Variants in KLHL2 observed in about 807,000 individuals in gnomAD.
The protein encoded by KLHL2 is kelch like family member 2.
A neutral mutation model predicts 75.8 loss-of-function variants in KLHL2; 15 were observed. That is an observed-to-expected ratio of 0.20 (90% CI 0.13 to 0.30). The LOEUF (loss-of-function observed/expected upper bound fraction) is 0.30, where lower values mean the gene tolerates loss of function less well. KLHL2 is among the 10% of genes least tolerant of loss of function. The pLI, the probability that KLHL2 is intolerant of heterozygous loss-of-function variation, is 1.00. For synonymous variants in KLHL2, 214 were observed against 251.9 expected (o/e 0.85, Z 1.42); for missense variants, 381 against 741.0 (o/e 0.51, Z 5.64).
chr4:165,263,416 A>T, intron 5 of KLHL2, 57 bp downstream of exon 5: 1 of 1,596,924 alleles, frequency 6.3e-7, no homozygotes, highest in Non-Finnish European at 8.6e-7. Flanking sequence ...TTTTGATATG[A>T]TTCCACAGTG....
At chr4:165,257,753 C>G (rs1741302650) in intron 4 of KLHL2, among the ~76,000 whole-genome samples, 1 of 151,986 alleles carries the variant, frequency 6.6e-6, no homozygotes, top group Non-Finnish European at 1.5e-5. Context: ...CAGGTTGATT[C>G]ATTTATGAGG....
At chr4:165,300,585 A>C (rs891897024) in intron 8 of KLHL2, among the ~76,000 whole-genome samples, 3 of 152,120 alleles carry the variant, frequency 2.0e-5, no homozygotes, top group Non-Finnish European at 2.9e-5. Context: ...TTCATATTTT[A>C]CCAATTCAAT....
At chr4:165,210,301 A>G (rs1221405198) in intron 1 of KLHL2, 3 of 1,000,532 alleles carry the variant, frequency 3.0e-6, no homozygotes, top group Non-Finnish European at 4.6e-6. Flanking sequence ...CATTGTTCTC[A>G]GATCCCACCT....
intron 4 of KLHL2, among the ~76,000 whole-genome samples, chr4:165,249,176 G>A (rs1209329073): frequency 6.6e-6 from 1 of 152,156 alleles, no homozygotes; most frequent in Non-Finnish European, 1.5e-5. Flanking sequence ...TCACAGTGGG[G>A]GTTAGACATC....
chr4:165,288,438 C>A (rs748950676), intron 5 of KLHL2, among the ~76,000 whole-genome samples: 5 of 152,098 alleles, frequency 3.3e-5, no homozygotes, highest in Non-Finnish European at 5.9e-5. Context: ...TGTTTTCTTG[C>A]ATGGAGAGGA....
At chr4:165,235,217 G>A (rs1466339049) in intron 3 of KLHL2, among the ~76,000 whole-genome samples, 2 of 152,140 alleles carry the variant, frequency 1.3e-5, no homozygotes, top group Non-Finnish European at 2.9e-5. Context: ...TATTTATTTG[G>A]TAAGATAGAG....
intron 5 of KLHL2, chr4:165,277,749 AC>A (rs1409071593): frequency 4.9e-3 from 324 of 65,630 alleles, no homozygotes; most frequent in African/African-American, 0.041. Context: ...GATGTTAAAA[AC>A]ACACACACAC....
chr4:165,264,721 C>CACAT (rs1742051135), intron 5 of KLHL2, among the ~76,000 whole-genome samples: 13 of 71,200 alleles, frequency 1.8e-4, no homozygotes, highest in South Asian at 1.3e-3. Flanking sequence ...TATATATATA[C>CACAT]ATATATATAT....
At position 165,317,943 on chromosome 4, in the gene KLHL2, G is replaced by C; in HGVS notation, c.1727G>C (p.Cys576Ser). ...TTDKWTVVSS[C>S]MSTGRSYAGV... Reference sequence around the variant, plus strand: ...GATAAATGGACAGTTGTGTCATCGTGTATGAGCACAGGGAGAAGTTATGCA... The same window carrying C: ...GATAAATGGACAGTTGTGTCATCGTCTATGAGCACAGGGAGAAGTTATGCA... Residue 576 changes from cysteine to serine, a missense_variant, in exon 14 of 15, where the codon TGT becomes TCT. Cys to Ser is a moderately radical substitution (Grantham distance 112). Around this residue, in one of 5 missense-constraint regions of KLHL2, gnomAD observed 168 missense variants for 370.4 expected, o/e 0.45. Coordinates refer to ENST00000226725, the MANE Select transcript of KLHL2 (RefSeq NM_007246.4). 1 of 1,613,946 alleles carries C rather than the reference G, an allele frequency of 6.2e-7. No individual in the cohort carries two copies. Among genetic ancestry groups the C allele is most frequent in the Non-Finnish European group, 8.5e-7 (1 of 1,179,918 alleles).
rs773615739 is a variant in KLHL2, at chr4:165,302,056, T to C, written c.921+2400T>C. ...TATACTTTTAGATTTCTCAGTTCTC[T>C]AGCTGTTATTTTGTGCTGGGTATGT... On this transcript the variant is annotated intron_variant, in intron 8 of 14. Transcript: ENST00000226725. Among the ~76,000 whole-genome samples the C allele has an allele frequency of 8.5e-5, 13 of 152,360 alleles. No individual in the cohort carries two copies. In the South Asian group the frequency reaches 1.4e-3, roughly 17 times the overall value.
intron 5 of KLHL2, among the ~76,000 whole-genome samples, chr4:165,266,749 A>C (rs1262844861): frequency 1.3e-5 from 2 of 152,226 alleles, no homozygotes; most frequent in Non-Finnish European, 2.9e-5. Context: ...GAAGTCAGGT[A>C]GCGTGATGCC....
chr4:165,246,241 C>T (rs796705302), intron 4 of KLHL2, among the ~76,000 whole-genome samples: 52 of 151,944 alleles, frequency 3.4e-4, no homozygotes, highest in African/African-American at 1.2e-3. Context: ...AAGAAAAGGA[C>T]GATTATTATT....
At chr4:165,209,342 A>G (rs981901634) in intron 1 of KLHL2, 5 of 152,206 alleles carry the variant, frequency 3.3e-5, no homozygotes, top group Non-Finnish European at 7.3e-5. Context: ...GGTATATAAT[A>G]TGTAACATGT....
chr4:165,259,879 G>A (rs1381376663), intron 4 of KLHL2, among the ~76,000 whole-genome samples: 6 of 152,076 alleles, frequency 3.9e-5, no homozygotes, highest in African/African-American at 1.4e-4. Flanking sequence ...AACCCCTCGA[G>A]GGTGTGGTTT....
At chr4:165,254,653 A>T (rs1045267318) in intron 4 of KLHL2, among the ~76,000 whole-genome samples, 2 of 152,204 alleles carry the variant, frequency 1.3e-5, no homozygotes, top group African/African-American at 2.4e-5. Flanking sequence ...TGTTGTTTGA[A>T]TTGGGAGGTG....
At chr4:165,287,968 C>CT (rs757020419) in intron 5 of KLHL2, among the ~76,000 whole-genome samples, 66 of 152,004 alleles carry the variant, frequency 4.3e-4, no homozygotes, top group Non-Finnish European at 7.2e-4. Flanking sequence ...TACAGGTTGC[C>CT]TTTTTTCTTT....
At chr4:165,209,997 G>A (rs1254121505) in intron 1 of KLHL2, 3 of 1,499,454 alleles carry the variant, frequency 2.0e-6, no homozygotes, top group South Asian at 1.3e-5. Context: ...AGTGTCTTTA[G>A]GAAGGAACTT....
At chr4:165,221,953 G>T (rs1578980906) in intron 2 of KLHL2, among the ~76,000 whole-genome samples, 1 of 152,284 alleles carries the variant, frequency 6.6e-6, no homozygotes, top group Non-Finnish European at 1.5e-5. Flanking sequence ...TTAAGACTGG[G>T]ATCTTTAATG....
chr4:165,224,687 T>C (rs1389301533), intron 2 of KLHL2, among the ~76,000 whole-genome samples: 6 of 152,258 alleles, frequency 3.9e-5, no homozygotes, highest in Non-Finnish European at 8.8e-5. Context: ...ATTCATACTT[T>C]GTTGCTTAGA....
Sources: allele counts gnomAD v4.1 joint callset (sites outside exome capture counted in the v4.1 genomes callset), GRCh38; gene constraint gnomAD v4.1.1; regional missense constraint gnomAD v4.1.1; transcripts MANE v1.5; gene names NCBI Gene and HGNC (gene_info 2026-07-23, HGNC 2026-07-21).